TANC2: variants seen among roughly 807,000 people sequenced by gnomAD.
TANC2 encodes protein TANC2.
In TANC2, 26 loss-of-function variants were observed where a neutral mutation model predicts 210.5. That is an observed-to-expected ratio of 0.12 (90% CI 0.09 to 0.17). The LOEUF (loss-of-function observed/expected upper bound fraction) is 0.17. TANC2 is among the 10% of genes least tolerant of loss of function. TANC2 has a pLI of 1.00. For synonymous variants in TANC2, 931 were observed against 967.1 expected, an observed-to-expected ratio of 0.96 and a Z score of 0.69; for missense variants, 2,129 against 2,608.9, an observed-to-expected ratio of 0.82 and a Z score of 4.01.
chr17:63,109,433 CA>C (rs2037949564), intron 4 of TANC2, among the ~76,000 whole-genome samples: 1 of 151,294 alleles, frequency 6.6e-6, no homozygotes, highest in South Asian at 2.1e-4. Flanking sequence ...ACAATACACA[CA>C]AAAAAACCTT....
intron 3 of TANC2, among the ~76,000 whole-genome samples, chr17:63,096,640 G>A (rs1009041698): frequency 2.0e-5 from 3 of 152,012 alleles, no homozygotes; most frequent in Non-Finnish European, 2.9e-5. Context: ...TTGTTTATCC[G>A]TTCACCAGTT....
rs551550937 is a variant in TANC2, at chr17:63,223,675, CAGG to C, written c.770-14138_770-14136del. On this transcript the variant is annotated intron_variant, in intron 7 of 27. Transcript: ENST00000689528. ...TCCTGAAACCATAGAAGGTAACTTTCAGGTCATTGCCCTAGTGCGTTGCCATGG... is the reference window on the plus strand; with the variant it reads ...TCCTGAAACCATAGAAGGTAACTTTCTCATTGCCCTAGTGCGTTGCCATGG... Among the ~76,000 whole-genome samples the C allele has an allele frequency of 5.6e-3, 847 of 152,144 alleles. 11 individuals carry two copies. Among genetic ancestry groups the C allele is most frequent in the African/African-American group, 0.02 (814 of 41,514 alleles).
At chr17:63,111,320 T>G (rs183251118) in intron 4 of TANC2, among the ~76,000 whole-genome samples, 1 of 152,184 alleles carries the variant, frequency 6.6e-6, no homozygotes, top group East Asian at 1.9e-4. Context: ...AGTAATTAAT[T>G]AAATAAGATG....
intron 5 of TANC2, among the ~76,000 whole-genome samples, chr17:63,170,259 T>C (rs917136879): frequency 1.4e-5 from 2 of 147,512 alleles, no homozygotes; most frequent in African/African-American, 5.0e-5. Flanking sequence ...ATCCCATCTC[T>C]ACTAAAAATA....
chr17:63,247,552 G>A (rs1405222688), intron 8 of TANC2, among the ~76,000 whole-genome samples: 1 of 150,410 alleles, frequency 6.6e-6, no homozygotes, highest in Non-Finnish European at 1.5e-5. Flanking sequence ...GACCTTAATT[G>A]TTACATCTGT....
At chr17:63,110,930 T>C (rs1419647720) in intron 4 of TANC2, among the ~76,000 whole-genome samples, 2 of 152,228 alleles carry the variant, frequency 1.3e-5, no homozygotes, top group Admixed American at 6.5e-5. Flanking sequence ...TGTATGACCT[T>C]GGCCGTGTCA....
intron 3 of TANC2, among the ~76,000 whole-genome samples, chr17:63,096,586 T>C (rs1418453773): frequency 6.6e-6 from 1 of 152,208 alleles, no homozygotes; most frequent in Non-Finnish European, 1.5e-5. Context: ...ACCTTCATTC[T>C]TTTTATGGCT....
In TANC2 at chr17:63,308,367, A is replaced by G. The variant is rs140873517; in HGVS notation, c.1160-6021A>G. The stretch of plus-strand genomic sequence containing the variant: ...TGGTGTCTCCCTTGTTCAGGCCTTC[A>G]TCACATTTTCTGGGACTATTATAGT... On this transcript the variant is annotated intron_variant, in intron 9 of 27. Transcript: ENST00000689528. 2.0e-3 allele frequency among the ~76,000 whole-genome samples: 308 copies of G among 152,146 alleles called. 1 individual carries two copies. The highest frequency in any genetic ancestry group is 6.7e-3 in the African/African-American group (277 of 41,494).
In TANC2 at chr17:63,016,759, A is replaced by C. The variant is rs536929657; in HGVS notation, c.67+7133A>C. ...TTTTTTTAAAATTATAGTAGGTGTG[A>C]AGTGGTATCTCATTGTGGTTTTGAC... On this transcript the variant is annotated intron_variant, in intron 2 of 27. Transcript: ENST00000689528. Among the ~76,000 whole-genome samples, 4 of 152,150 alleles carry C rather than the reference A, an allele frequency of 2.6e-5. No individual in the cohort carries two copies. The South Asian group carries it at 8.3e-4, about 32-fold the overall frequency.
intron 9 of TANC2, among the ~76,000 whole-genome samples, chr17:63,301,040 T>C (rs1170494757): frequency 2.0e-5 from 3 of 152,296 alleles, no homozygotes; most frequent in Admixed American, 1.3e-4. Context: ...GATGATCATG[T>C]GGTTTTTGTC....
intron 4 of TANC2, among the ~76,000 whole-genome samples, chr17:63,147,638 A>G (rs1019705175): frequency 4.6e-5 from 7 of 152,126 alleles, no homozygotes; most frequent in Admixed American, 1.3e-4. Context: ...ATTTCTGACA[A>G]ATTCCCAGGT....
At chr17:63,014,572 C>G (rs1598255174) in intron 2 of TANC2, among the ~76,000 whole-genome samples, 1 of 152,126 alleles carries the variant, frequency 6.6e-6, no homozygotes, top group South Asian at 2.1e-4. Flanking sequence ...CTAATTTTTC[C>G]GAGTCTGTGT....
rs185837639 is a variant in TANC2, at chr17:63,118,347, T to G, written c.322+18990T>G. Among the ~76,000 whole-genome samples, 243 of 152,356 alleles carry G rather than the reference T, an allele frequency of 1.6e-3. 1 individual carries two copies. Among genetic ancestry groups the G allele is most frequent in the African/African-American group, 5.7e-3 (236 of 41,590 alleles). ...ACTAAATTAGAAATTTACCTTTGTT[T>G]ACTTGTATTTTTAGATCATTTGGTA... On this transcript the variant is annotated intron_variant, in intron 4 of 27. Transcript: ENST00000689528.
In TANC2 at chr17:63,418,478, A is replaced by G. The variant is rs773190124; in HGVS notation, c.4268+71A>G. 4.1e-5 allele frequency: 57 copies of G among 1,383,980 alleles called. No homozygotes were observed. The highest frequency in any genetic ancestry group is 5.2e-5 in the Non-Finnish European group (52 of 1,002,212). 85.7% of individuals were successfully genotyped at this position (1,383,980 alleles called of 1,614,324 possible). ...AAATTTGGCCAAGGCAGCGTCGGCC[A>G]CCCTGGGGCATATGTACCCAAATAC... On this transcript the variant is annotated intron_variant, in intron 27 of 27. Transcript: ENST00000689528. This position sits in a 1 kb window ranked among gnomAD's most constrained non-coding sequence, Gnocchi z 4.6.
intron 17 of TANC2, 136 bp from the exon 18 acceptor site, chr17:63,395,607 A>G (rs1018972668): frequency 5.0e-5 from 36 of 714,146 alleles, no homozygotes; most frequent in Non-Finnish European, 7.7e-5. Context: ...AGTCTCCTGA[A>G]TTTGCTCAGA....
intron 1 of TANC2, chr17:62,978,966 G>A (rs1402985205): frequency 1.3e-5 from 2 of 152,116 alleles, no homozygotes; most frequent in Non-Finnish European, 2.9e-5. Flanking sequence ...GAATGTATAT[G>A]GCATAATTTC....
At chr17:63,256,845 C>T (rs2043209382) in intron 8 of TANC2, among the ~76,000 whole-genome samples, 1 of 151,908 alleles carries the variant, frequency 6.6e-6, no homozygotes, top group African/African-American at 2.4e-5. Context: ...TGAATTGAGC[C>T]CTTTATCATT....
At chr17:63,202,578 T>G (rs1025649686) in intron 7 of TANC2, among the ~76,000 whole-genome samples, 7 of 152,164 alleles carry the variant, frequency 4.6e-5, no homozygotes, top group Admixed American at 1.3e-4. Context: ...AAATGGGGAA[T>G]GAATGTGTTC....
rs118125866 is a variant in TANC2, at chr17:63,226,656, G to A, written c.770-11158G>A. The stretch of plus-strand genomic sequence containing the variant: ...CATGCAGGATGTGCAGGTTTTTTAC[G>A]TAGGGAAATGTGTGGTAGCAATTTG... On this transcript the variant is annotated intron_variant, in intron 7 of 27. Transcript: ENST00000689528. Among the ~76,000 whole-genome samples the A allele has an allele frequency of 8.5e-3, 1,286 of 152,100 alleles. 8 individuals carry two copies. The highest frequency in any genetic ancestry group is 0.013 in the Admixed American group (195 of 15,266).
Sources: gnomAD v4.1 joint callset for allele counts (sites outside exome capture counted in the v4.1 genomes callset) on GRCh38, gnomAD v4.1.1 for gene constraint, Gnocchi (gnomAD v3.1) non-coding constraint, MANE v1.5 for transcripts, NCBI Gene and HGNC (gene_info 2026-07-23, HGNC 2026-07-21) for gene names.